SERGEF: variants seen among roughly 807,000 people sequenced by gnomAD.
The protein encoded by SERGEF is secretion regulating guanine nucleotide exchange factor.
Under a neutral mutation model 50.0 loss-of-function variants are expected in SERGEF, and 51 were observed. That is an observed-to-expected ratio of 1.02 (90% confidence interval 0.81 to 1.29). SERGEF has a LOEUF of 1.29. SERGEF is among the 50% of genes most tolerant of loss of function. The probability of loss-of-function intolerance (pLI) is 0.00; values close to 1 mark genes in which losing one functional copy is unlikely to be tolerated. For missense variants in SERGEF, 521 were observed against 557.0 expected, an observed-to-expected ratio of 0.94 and a Z score of 0.65; for synonymous variants, 205 against 212.4, an observed-to-expected ratio of 0.97 and a Z score of 0.30.
chr11:17,979,825 C>T (rs1853456445), intron 8 of SERGEF, among the ~76,000 whole-genome samples: 1 of 152,266 alleles, frequency 6.6e-6, no homozygotes, highest in East Asian at 1.9e-4. Context: ...GGATGATCTT[C>T]GAAGTCCTTT....
intron 9 of SERGEF, among the ~76,000 whole-genome samples, chr11:17,887,926 C>G (rs1851461225): frequency 6.6e-6 from 1 of 152,198 alleles, no homozygotes; most frequent in Non-Finnish European, 1.5e-5. Context: ...AGGTAAGCAG[C>G]AGGCAAGGGA....
intron 6 of SERGEF, among the ~76,000 whole-genome samples, chr11:17,994,804 AG>A (rs1230785349): frequency 6.6e-6 from 1 of 152,132 alleles, no homozygotes; most frequent in Non-Finnish European, 1.5e-5. Context: ...GAACACCTCC[AG>A]GACTTAGAAA....
At chr11:17,834,635 C>G (rs1850370602) in intron 10 of SERGEF, among the ~76,000 whole-genome samples, 1 of 152,182 alleles carries the variant, frequency 6.6e-6, no homozygotes, top group South Asian at 2.1e-4. Flanking sequence ...AAGCCTGTTC[C>G]CCTTAGCCAA....
In SERGEF at chr11:17,888,466, A is replaced by G. The variant is rs991450724; in HGVS notation, c.1012-10222T>C. Among the ~76,000 whole-genome samples the G allele has an allele frequency of 2.6e-5, 4 of 152,174 alleles. No individual in the cohort carries two copies. The highest frequency in any genetic ancestry group is 9.7e-5 in the African/African-American group (4 of 41,440). On this transcript the variant is annotated intron_variant, in intron 9 of 10. Transcript: ENST00000265965. The surrounding 1 kb of genome is among the most constrained non-coding windows in gnomAD (Gnocchi z 4.1). ...TGTATCAATTCTGAAAGTATTTTGT[A>G]TATATTGTGGGACCATGCAAATGAG...
intron 10 of SERGEF, among the ~76,000 whole-genome samples, chr11:17,858,125 G>A (rs968164015): frequency 4.6e-5 from 7 of 152,168 alleles, no homozygotes; most frequent in African/African-American, 9.7e-5. Context: ...TTTGAAAGTC[G>A]GGTAAGGATA....
At chr11:17,843,110 T>A (rs1325829148) in intron 10 of SERGEF, among the ~76,000 whole-genome samples, 2 of 152,188 alleles carry the variant, frequency 1.3e-5, no homozygotes, top group South Asian at 2.1e-4. Flanking sequence ...ACACTTAAAG[T>A]CAGGAGATTC....
intron 8 of SERGEF, among the ~76,000 whole-genome samples, chr11:17,972,874 C>T (rs1853280536): frequency 1.3e-5 from 2 of 152,116 alleles, no homozygotes; most frequent in South Asian, 2.1e-4. Context: ...ATGAAAGAAA[C>T]ATCCCTTTCT....
intron 10 of SERGEF, among the ~76,000 whole-genome samples, chr11:17,832,081 CT>C (rs1412791344): frequency 1.3e-5 from 2 of 152,178 alleles, no homozygotes; most frequent in African/African-American, 4.8e-5. Flanking sequence ...GTTGTCTGAC[CT>C]TGGGTTAGCA....
At chr11:17,871,789 A>G (rs138148907) in intron 10 of SERGEF, among the ~76,000 whole-genome samples, 17 of 152,338 alleles carry the variant, frequency 1.1e-4, no homozygotes, top group African/African-American at 4.1e-4. Context: ...ATAAGATTGA[A>G]AATATCTGGC....
chr11:17,889,725 G>C (rs916299873), intron 9 of SERGEF, among the ~76,000 whole-genome samples: 2 of 152,164 alleles, frequency 1.3e-5, no homozygotes, highest in African/African-American at 4.8e-5. Context: ...TTTAAAAAGA[G>C]AGAGGACACA....
intron 10 of SERGEF, among the ~76,000 whole-genome samples, chr11:17,836,531 G>A (rs1299818761): frequency 6.6e-6 from 1 of 152,166 alleles, no homozygotes; most frequent in Non-Finnish European, 1.5e-5. Flanking sequence ...GACCTCTATT[G>A]GTTCCTGATG....
chr11:17,876,260 G>A (rs1851234339), intron 10 of SERGEF, among the ~76,000 whole-genome samples: 1 of 152,164 alleles, frequency 6.6e-6, no homozygotes, highest in South Asian at 2.1e-4. Context: ...AGGCACTGGG[G>A]ATAAAATGGA....
intron 9 of SERGEF, among the ~76,000 whole-genome samples, chr11:17,885,486 CA>C (rs1386797496): frequency 6.6e-6 from 1 of 151,704 alleles, no homozygotes; most frequent in Non-Finnish European, 1.5e-5. Context: ...TATGCCTGGC[CA>C]ATTTTTTTTT....
intron 8 of SERGEF, among the ~76,000 whole-genome samples, chr11:17,967,083 T>C (rs1465520255): frequency 6.6e-6 from 1 of 152,262 alleles, no homozygotes; most frequent in Non-Finnish European, 1.5e-5. Context: ...ACTCTTCATA[T>C]GGATTATCCC....
intron 8 of SERGEF, among the ~76,000 whole-genome samples, chr11:17,962,809 ACTT>A (rs557516547): frequency 6.6e-6 from 1 of 152,172 alleles, no homozygotes; most frequent in South Asian, 2.1e-4. Context: ...TTTAAGGTGA[ACTT>A]CTGGATAAGA....
rs12278758 is a variant in SERGEF, at chr11:17,888,131, G to A, written c.1012-9887C>T. On this transcript the variant is annotated intron_variant, in intron 9 of 10. Transcript: ENST00000265965. This position sits in a 1 kb window ranked among gnomAD's most constrained non-coding sequence, Gnocchi z 4.1. Reference sequence around the variant, plus strand: ...ATGCCTGGTGATCTGAGGTGGAACAGTTTCATCCCGAAACCATCCCATCCC... The same window carrying A: ...ATGCCTGGTGATCTGAGGTGGAACAATTTCATCCCGAAACCATCCCATCCC... Among the ~76,000 whole-genome samples the A allele has an allele frequency of 0.07, 10,666 of 152,234 alleles. 455 individuals are homozygous for A. The highest frequency in any genetic ancestry group is 0.11 in the African/African-American group (4,428 of 41,524).
intron 9 of SERGEF, among the ~76,000 whole-genome samples, chr11:17,917,093 T>C (rs767807094): frequency 2.6e-5 from 4 of 152,152 alleles, no homozygotes; most frequent in Non-Finnish European, 2.9e-5. Context: ...AAGAAGTCAT[T>C]ATACAAAAAA....
intron 10 of SERGEF, among the ~76,000 whole-genome samples, chr11:17,847,879 G>C (rs1489936201): frequency 1.3e-5 from 2 of 152,136 alleles, no homozygotes; most frequent in African/African-American, 4.8e-5. Context: ...AATTTAATAA[G>C]CTCTCCAGGT....
intron 1 of SERGEF, among the ~76,000 whole-genome samples, chr11:18,011,194 T>C (rs1854189466): frequency 6.6e-6 from 1 of 151,672 alleles, no homozygotes; most frequent in African/African-American, 2.4e-5. Context: ...CCCCTTCCTG[T>C]GAACCGAACT....
Sources: allele counts gnomAD v4.1 joint callset (sites outside exome capture counted in the v4.1 genomes callset), GRCh38; gene constraint gnomAD v4.1.1; non-coding constraint Gnocchi (gnomAD v3.1); transcripts MANE v1.5; gene names NCBI Gene and HGNC (gene_info 2026-07-23, HGNC 2026-07-21).